Variants in PCDHGA9 observed in about 807,000 individuals in gnomAD.
PCDHGA9 encodes protocadherin gamma-A9.
PCDHGA9 carries 37 observed loss-of-function variants against 62.5 expected under a neutral mutation model. The ratio of observed to expected loss-of-function variants is 0.59; its 90% CI spans 0.46 to 0.78. The LOEUF (loss-of-function observed/expected upper bound fraction) is 0.78. PCDHGA9 is among the 30% of genes least tolerant of loss of function. The pLI is 0.00. For synonymous variants in PCDHGA9, 459 were observed against 484.6 expected, an observed-to-expected ratio of 0.95 and a Z score of 0.69; for missense variants, 1,138 against 1,166.2, an observed-to-expected ratio of 0.98 and a Z score of 0.35.
At position 141,485,561 on chromosome 5, in the gene PCDHGA9, GCCC is replaced by G; in HGVS notation, c.2425-9242_2425-9240del. ...AGAGATCGTAGATGTGAATGATCAC[GCCC>G]CCCGTTTTCCGCGGCAGCAGCTGGA... On this transcript the variant is annotated intron_variant, in intron 1 of 3. Transcript: ENST00000573521. This position sits in a 1 kb window ranked among gnomAD's most constrained non-coding sequence, Gnocchi z 5.7. 1 of 1,613,008 alleles carries G rather than the reference GCCC, an allele frequency of 6.2e-7. No homozygotes were observed.
chr5:141,417,963 A>C (rs1260025037), intron 1 of PCDHGA9: 1 of 1,613,258 alleles, frequency 6.2e-7, no homozygotes, highest in Non-Finnish European at 8.5e-7. Flanking sequence ...CCGATCCGCT[A>C]CTCGATTCCG....
In PCDHGA9 at chr5:141,490,755, C is replaced by T; in HGVS notation, c.2425-4052C>T. ...AGGTTCAGGGAGCCCCAGCCTCCTC[C>T]TTTGTGTATGTCAACCCAGAGGATG... On this transcript the variant is annotated intron_variant, in intron 1 of 3. Transcript: ENST00000573521. This position sits in a 1 kb window ranked among gnomAD's most constrained non-coding sequence, Gnocchi z 5.4. 1 of 1,614,190 alleles carries T rather than the reference C, an allele frequency of 6.2e-7. No individual in the cohort carries two copies. Among genetic ancestry groups the T allele is most frequent in the Non-Finnish European group, 8.5e-7 (1 of 1,180,026 alleles).
At position 141,432,459 on chromosome 5, in the gene PCDHGA9, T is replaced by A. The variant is rs1230209932; in HGVS notation, c.2424+27083T>A. The A allele has an allele frequency of 1.2e-6, 2 of 1,613,984 alleles. No homozygotes were observed. Among genetic ancestry groups the A allele is most frequent in the South Asian group, 1.1e-5 (1 of 91,082 alleles). ...GCGCCCGAGATCCTGTACCCCGCCCTCCCCACGGACGGTTCCACTGGCGTG... is the reference window on the plus strand; with the variant it reads ...GCGCCCGAGATCCTGTACCCCGCCCACCCCACGGACGGTTCCACTGGCGTG... On this transcript the variant is annotated intron_variant, in intron 1 of 3. Transcript: ENST00000573521. The surrounding 1 kb of genome is among the most constrained non-coding windows in gnomAD (Gnocchi z 6.0).
chr5:141,503,912 AAC>A lies in PCDHGA9; in HGVS notation c.2484-1471_2484-1470del, dbSNP rs34419983. Among the ~76,000 whole-genome samples, 284 of 152,278 alleles carry A rather than the reference AAC, an allele frequency of 1.9e-3. 1 individual carries two copies. The highest frequency in any genetic ancestry group is 0.014 in the Middle Eastern group (4 of 292). Reference sequence around the variant, plus strand: ...GACAAAATATGCACACACACAACGCAACACACACACAGACATTTTCATGCCTT... The same window carrying A: ...GACAAAATATGCACACACACAACGCAACACACACAGACATTTTCATGCCTT... On this transcript the variant is annotated intron_variant, in intron 2 of 3. Coordinates refer to ENST00000573521, the MANE Select transcript of PCDHGA9 (RefSeq NM_018921.3).
At chr5:141,481,811 G>A (rs1050821120) in intron 1 of PCDHGA9, among the ~76,000 whole-genome samples, 1 of 151,892 alleles carries the variant, frequency 6.6e-6, no homozygotes. Context: ...AATTCACCAG[G>A]CGTGGTGGCT....
At position 141,491,969 on chromosome 5, in the gene PCDHGA9, C is replaced by A; in HGVS notation, c.2425-2838C>A. ...CCCCTACACTCAAAAAAGGCCGGGGCCTCCTTCGAGCTTCCGGTGAATTTC... is the reference window on the plus strand; with the variant it reads ...CCCCTACACTCAAAAAAGGCCGGGGACTCCTTCGAGCTTCCGGTGAATTTC... On this transcript the variant is annotated intron_variant, in intron 1 of 3. Coordinates refer to ENST00000573521, the MANE Select transcript of PCDHGA9 (RefSeq NM_018921.3). The surrounding 1 kb of genome is among the most constrained non-coding windows in gnomAD (Gnocchi z 6.9). 1 of 898,714 alleles carries A rather than the reference C, an allele frequency of 1.1e-6. No individual in the cohort carries two copies. Among genetic ancestry groups the A allele is most frequent in the Non-Finnish European group, 1.6e-6 (1 of 629,384 alleles). 55.7% of individuals were successfully genotyped at this position (898,714 alleles called of 1,614,324 possible). A position where few individuals can be genotyped will look rare whatever the true frequency, so the allele number is the denominator to read the frequency against.
chr5:141,504,550 G>A (rs944574179), intron 2 of PCDHGA9, among the ~76,000 whole-genome samples: 2 of 151,586 alleles, frequency 1.3e-5, no homozygotes, highest in Non-Finnish European at 2.9e-5. Context: ...GCAAATGTTG[G>A]GGGACTGGCA....
intron 2 of PCDHGA9, among the ~76,000 whole-genome samples, chr5:141,497,893 C>T (rs1194262199): frequency 6.6e-6 from 1 of 152,132 alleles, no homozygotes; most frequent in Non-Finnish European, 1.5e-5. Flanking sequence ...GGATCTAGTC[C>T]AGTAACTTCA....
At chr5:141,417,993 C>T (rs753867006) in intron 1 of PCDHGA9, 11 of 1,613,830 alleles carry the variant, frequency 6.8e-6, no homozygotes, top group Non-Finnish European at 7.6e-6. Flanking sequence ...GCCAAGGGCT[C>T]GGTGGTGGGG....
chr5:141,504,161 T>C (rs931754061), intron 2 of PCDHGA9, among the ~76,000 whole-genome samples: 1 of 152,196 alleles, frequency 6.6e-6, no homozygotes, highest in Non-Finnish European at 1.5e-5. Context: ...AATAATTTCA[T>C]CCTTGGAAAT....
At chr5:141,423,001 G>A in intron 1 of PCDHGA9, 2 of 1,614,230 alleles carry the variant, frequency 1.2e-6, no homozygotes, top group Non-Finnish European at 1.7e-6. Flanking sequence ...GGTGACCAAG[G>A]TGGTTGCGGT....
At chr5:141,484,454 G>T (rs932663778) in intron 1 of PCDHGA9, among the ~76,000 whole-genome samples, 2 of 152,212 alleles carry the variant, frequency 1.3e-5, no homozygotes, top group Non-Finnish European at 2.9e-5. Context: ...AATTGGCTAC[G>T]TTAATGTGTA....
Position 141,451,147 on chromosome 5 carries a change from A to G in PCDHGA9, c.2425-43660A>G, listed in dbSNP as rs2098708727. ...CCAGCCTTATGATTGTATTTAGACT[A>G]GACATTTTTTTGGTAGTATATTATT... On this transcript the variant is annotated intron_variant, in intron 1 of 3. Coordinates refer to ENST00000573521, the MANE Select transcript of PCDHGA9 (RefSeq NM_018921.3). Among the ~76,000 whole-genome samples, 3 of 152,250 alleles carry G rather than the reference A, an allele frequency of 2.0e-5. No homozygotes were observed. In the South Asian group the frequency reaches 6.2e-4, roughly 32 times the overall value.
rs188916402 is a variant in PCDHGA9, at chr5:141,473,975, G to A, written c.2425-20832G>A. 4.6e-5 allele frequency among the ~76,000 whole-genome samples: 7 copies of A among 152,222 alleles called. No homozygotes were observed. The East Asian group carries it at 7.7e-4, about 17-fold the overall frequency. ...TCCCATCTACTTAGAAGTCTGAGGCGGGAGGATCCCTTGAGCCCAAGGAGC... is the reference window on the plus strand; with the variant it reads ...TCCCATCTACTTAGAAGTCTGAGGCAGGAGGATCCCTTGAGCCCAAGGAGC... On this transcript the variant is annotated intron_variant, in intron 1 of 3. Transcript: ENST00000573521.
At chr5:141,481,191 C>A (rs1244434918) in intron 1 of PCDHGA9, among the ~76,000 whole-genome samples, 1 of 152,148 alleles carries the variant, frequency 6.6e-6, no homozygotes, top group Non-Finnish European at 1.5e-5. Context: ...GGGCCAGGCC[C>A]AATTTTTTTA....
At chr5:141,418,577 C>T (rs1173424447) in intron 1 of PCDHGA9, 2 of 1,614,038 alleles carry the variant, frequency 1.2e-6, no homozygotes, top group South Asian at 1.1e-5. Context: ...TGACAACCCC[C>T]CAGTGTTCAG....
chr5:141,469,853 G>A (rs549678022), intron 1 of PCDHGA9, among the ~76,000 whole-genome samples: 5 of 152,270 alleles, frequency 3.3e-5, no homozygotes, highest in South Asian at 2.1e-4. Context: ...GATTCAGACC[G>A]GGTGCAATGG....
At chr5:141,424,982 G>T (rs2096852076) in intron 1 of PCDHGA9, among the ~76,000 whole-genome samples, 1 of 152,106 alleles carries the variant, frequency 6.6e-6, no homozygotes, top group South Asian at 2.1e-4. Context: ...GGATATTTAT[G>T]TTCCCTTTCA....
intron 1 of PCDHGA9, among the ~76,000 whole-genome samples, chr5:141,464,913 A>T (rs1035542028): frequency 1.3e-4 from 19 of 151,426 alleles, no homozygotes; most frequent in Admixed American, 1.2e-3. Context: ...TAATTTTTTT[A>T]TTTTTTTGTA....
Sources: gnomAD v4.1 joint callset for allele counts (sites outside exome capture counted in the v4.1 genomes callset) on GRCh38, gnomAD v4.1.1 for gene constraint, Gnocchi (gnomAD v3.1) non-coding constraint, MANE v1.5 for transcripts, NCBI Gene and HGNC (gene_info 2026-07-23, HGNC 2026-07-21) for gene names.